Variants in MTMR7 observed in about 807,000 individuals in gnomAD.
MTMR7 encodes the protein myotubularin related protein 7.
MTMR7 carries 76 observed loss-of-function variants against 81.2 expected under a neutral mutation model. The ratio of observed to expected loss-of-function variants is 0.94; its 90% CI spans 0.78 to 1.13. The LOEUF is 1.13. MTMR7 is among the 50% of genes most tolerant of loss of function. The pLI is 0.00. For missense variants in MTMR7, 1,044 were observed against 820.0 expected (o/e 1.27, Z -3.34); for synonymous variants, 372 against 289.8 (o/e 1.28, Z -2.88).
chr8:17,411,685 C>G (rs1821738336), intron 1 of MTMR7, among the ~76,000 whole-genome samples: 2 of 152,194 alleles, frequency 1.3e-5, no homozygotes, highest in Non-Finnish European at 1.5e-5. Context: ...ACTTCAAGTA[C>G]TGCACTGCTT....
rs1201694935 is a variant in MTMR7, at chr8:17,362,207, T to C, written c.311-933A>G. On this transcript the variant is annotated intron_variant, in intron 3 of 13. Coordinates refer to ENST00000180173, the MANE Select transcript of MTMR7 (RefSeq NM_004686.5). The stretch of plus-strand genomic sequence containing the variant: ...TTTAGCCCAATATATCCAAAATCAT[T>C]ATCACTTCAACATGTGCATGATATA... 2.0e-5 allele frequency among the ~76,000 whole-genome samples: 3 copies of C among 152,238 alleles called. No individual in the cohort carries two copies. In the East Asian group the frequency reaches 5.8e-4, roughly 29 times the overall value.
chr8:17,399,422 C>G (rs183412645), intron 1 of MTMR7, among the ~76,000 whole-genome samples: 3 of 151,102 alleles, frequency 2.0e-5, no homozygotes, highest in East Asian at 3.9e-4. Flanking sequence ...AACAATTTAA[C>G]TTAAGTAAAA....
intron 6 of MTMR7, among the ~76,000 whole-genome samples, chr8:17,336,710 G>A (rs1233935238): frequency 1.3e-5 from 2 of 152,192 alleles, no homozygotes; most frequent in Admixed American, 6.5e-5. Flanking sequence ...GGAGGCAAGC[G>A]CTGCCTCGCC....
At position 17,408,280 on chromosome 8, in the gene MTMR7, T is replaced by C. The variant is rs1821646645; in HGVS notation, c.24+4989A>G. 1.8e-5 allele frequency among the ~76,000 whole-genome samples: 2 copies of C among 112,600 alleles called. 1 individual carries two copies. The allele number at this position is 112,600 out of a possible 152,430, so 73.9% of individuals were successfully genotyped here. A position where few individuals can be genotyped will look rare whatever the true frequency, so the allele number is the denominator to read the frequency against. On this transcript the variant is annotated intron_variant, in intron 1 of 13. Coordinates refer to ENST00000180173, the MANE Select transcript of MTMR7 (RefSeq NM_004686.5). ...GGCGGGCGCCTGTAGTCCCACCTACTTGGGAGGCTGAGGCAGGAGAATGGC... is the reference window on the plus strand; with the variant it reads ...GGCGGGCGCCTGTAGTCCCACCTACCTGGGAGGCTGAGGCAGGAGAATGGC...
rs765241258 is a variant in MTMR7, at chr8:17,300,108, G to C, written c.1737C>G (p.Pro579=). 2.4e-5 allele frequency: 38 copies of C among 1,614,012 alleles called. No homozygotes were observed. The highest frequency in any genetic ancestry group is 3.0e-5 in the Non-Finnish European group (35 of 1,180,014). ...STSDNSIANT[P]QDYSGNMKSF... The stretch of plus-strand genomic sequence containing the variant: ...ATTTCATATTCCCACTGTAATCCTG[G>C]GGAGTGTTGGCTATGCTGTTGTCTG... The change falls in exon 14 of 14, where the codon CCC becomes CCG. Residue 579 remains proline, a synonymous_variant. Transcript: ENST00000180173.
At chr8:17,337,485 G>A (rs1169761769) in intron 6 of MTMR7, among the ~76,000 whole-genome samples, 1 of 152,014 alleles carries the variant, frequency 6.6e-6, no homozygotes. Flanking sequence ...ATTCAGCGAA[G>A]ACTGCGACAA....
intron 4 of MTMR7, among the ~76,000 whole-genome samples, chr8:17,354,725 A>C (rs1819833757): frequency 6.6e-6 from 1 of 152,228 alleles, no homozygotes; most frequent in Admixed American, 6.5e-5. Context: ...GAGAGGAAAA[A>C]GTAAACGTTT....
At chr8:17,384,564 A>T (rs905896806) in intron 1 of MTMR7, among the ~76,000 whole-genome samples, 12 of 152,222 alleles carry the variant, frequency 7.9e-5, no homozygotes, top group Admixed American at 5.9e-4. Context: ...AAACTACCCA[A>T]TTATAGCTGG....
At chr8:17,400,388 C>G (rs1021082117) in intron 1 of MTMR7, among the ~76,000 whole-genome samples, 1 of 152,122 alleles carries the variant, frequency 6.6e-6, no homozygotes, top group Non-Finnish European at 1.5e-5. Flanking sequence ...GGATTCAAAA[C>G]CAGGCATTGT....
chr8:17,333,585 C>A (rs1437826223), intron 6 of MTMR7, among the ~76,000 whole-genome samples: 1 of 152,180 alleles, frequency 6.6e-6, no homozygotes, highest in Non-Finnish European at 1.5e-5. Context: ...CACAGTGGCT[C>A]ATGCCTGTAA....
At chr8:17,398,234 G>T (rs924722090) in intron 1 of MTMR7, among the ~76,000 whole-genome samples, 1 of 152,156 alleles carries the variant, frequency 6.6e-6, no homozygotes, top group Non-Finnish European at 1.5e-5. Flanking sequence ...AGAAACAGAG[G>T]TATGTGACCC....
intron 5 of MTMR7, among the ~76,000 whole-genome samples, chr8:17,348,048 G>A (rs1167855560): frequency 1.3e-5 from 2 of 152,076 alleles, no homozygotes; most frequent in Admixed American, 1.3e-4. Flanking sequence ...AGGCTACCAG[G>A]CTAGGACTGC....
In MTMR7 at chr8:17,309,669, A is replaced by G. The variant is rs542045121; in HGVS notation, c.1102-343T>C. Among the ~76,000 whole-genome samples the G allele has an allele frequency of 4.6e-5, 7 of 152,302 alleles. No individual in the cohort carries two copies. The South Asian group carries it at 1.2e-3, about 27-fold the overall frequency. On this transcript the variant is annotated intron_variant, in intron 9 of 13. Coordinates refer to ENST00000180173, the MANE Select transcript of MTMR7 (RefSeq NM_004686.5). ...CTCTTTTAGAAGGGGAAACCGAAGG[A>G]AAGAGGTTTCATATTCGCCCAAGAT...
intron 3 of MTMR7, among the ~76,000 whole-genome samples, chr8:17,364,588 C>G (rs747778607): frequency 3.3e-5 from 5 of 152,186 alleles, no homozygotes; most frequent in African/African-American, 4.8e-5. Flanking sequence ...TCCCCCACCC[C>G]CAGCCTCTGG....
chr8:17,320,365 T>C (rs1033690018), intron 7 of MTMR7, among the ~76,000 whole-genome samples: 1 of 152,046 alleles, frequency 6.6e-6, no homozygotes, highest in African/African-American at 2.4e-5. Flanking sequence ...CACCCTGAGA[T>C]GATGCATGAT....
intron 2 of MTMR7, among the ~76,000 whole-genome samples, chr8:17,372,365 GAGGTC>G (rs1820445085): frequency 6.6e-6 from 1 of 152,130 alleles, no homozygotes; most frequent in African/African-American, 2.4e-5. Context: ...CAGATCACTT[GAGGTC>G]AGGTCAGGAG....
intron 3 of MTMR7, among the ~76,000 whole-genome samples, chr8:17,370,312 C>T (rs1165904039): frequency 3.3e-5 from 5 of 151,752 alleles, no homozygotes; most frequent in African/African-American, 2.4e-5. Context: ...CTTGAGGCCA[C>T]GAGTTCAAGA....
intron 5 of MTMR7, among the ~76,000 whole-genome samples, chr8:17,347,330 G>A (rs1355873474): frequency 1.3e-5 from 2 of 152,134 alleles, no homozygotes; most frequent in Non-Finnish European, 2.9e-5. Flanking sequence ...AGAGCAATGA[G>A]TATAACTAAA....
chr8:17,360,983 A>C, intron 4 of MTMR7, 134 bp downstream of exon 4: 4 of 1,008,934 alleles, frequency 4.0e-6, no homozygotes, highest in Non-Finnish European at 5.8e-6. Context: ...GCACTAACCA[A>C]GAGAGACCTG....
Sources: gnomAD v4.1 joint callset for allele counts (sites outside exome capture counted in the v4.1 genomes callset) on GRCh38, gnomAD v4.1.1 for gene constraint, MANE v1.5 for transcripts, NCBI Gene and HGNC (gene_info 2026-07-23, HGNC 2026-07-21) for gene names.